PRDM16: variants seen among roughly 807,000 people sequenced by gnomAD.
PRDM16 encodes the protein PR/SET domain 16.
Under a neutral mutation model 110.6 loss-of-function variants are expected in PRDM16, and 23 were observed. That is an observed-to-expected ratio of 0.21 (90% CI 0.15 to 0.29). The LOEUF (loss-of-function observed/expected upper bound fraction) is 0.29. Ranked by LOEUF, PRDM16 falls within the 10% of genes least tolerant of loss-of-function variation. The pLI is 1.00. For missense variants in PRDM16, 1,615 were observed against 1,794.3 expected, an observed-to-expected ratio of 0.90 and a Z score of 1.81; for synonymous variants, 799 against 781.8, an observed-to-expected ratio of 1.02 and a Z score of -0.37.
chr1:3,171,961 G>A (rs774213747), intron 1 of PRDM16, among the ~76,000 whole-genome samples: 3 of 152,170 alleles, frequency 2.0e-5, no homozygotes, highest in Non-Finnish European at 2.9e-5. Flanking sequence ...GGGGAGCTGC[G>A]ATCCAGTAGA....
rs746262080 is a variant in PRDM16 at position 3,186,228 on chromosome 1, C to T, written c.141C>T (p.Pro47=). 4.4e-5 allele frequency: 71 copies of T among 1,612,470 alleles called. No individual in the cohort carries two copies. Among genetic ancestry groups the T allele is most frequent in the Non-Finnish European group, 5.5e-5 (65 of 1,179,834 alleles). The change falls in exon 2 of 17, where the codon CCC becomes CCT. Residue 47 remains proline (P), a synonymous_variant. Transcript: ENST00000270722. The part of the protein sequence containing the change: ...EAEDSAMSPI[P]VGPPSPFPTS... ...AGGACAGTGCCATGTCGCCCATCCC[C>T]GTGGGGCCACCGTCCCCCTTCCCCA...
At chr1:3,395,549 G>A (rs1298894826) in intron 4 of PRDM16, among the ~76,000 whole-genome samples, 1 of 152,162 alleles carries the variant, frequency 6.6e-6, no homozygotes, top group Non-Finnish European at 1.5e-5. Context: ...ACACCCACAT[G>A]TGCAGGGTGG....
rs145700047 is a variant in PRDM16, at chr1:3,350,104, G to A, written c.439-35048G>A. Among the ~76,000 whole-genome samples the A allele has an allele frequency of 1.6e-3, 239 of 152,312 alleles. No individual in the cohort carries two copies. The highest frequency in any genetic ancestry group is 0.014 in the Middle Eastern group (4 of 294). ...TCCCAGCACCTTGGGAGGCCAAGGCGGGAGGAAGCCCAGAAGTTTGAGGCC... is the reference window on the plus strand; with the variant it reads ...TCCCAGCACCTTGGGAGGCCAAGGCAGGAGGAAGCCCAGAAGTTTGAGGCC... On this transcript the variant is annotated intron_variant, in intron 3 of 16. Transcript: ENST00000270722. This position sits in a 1 kb window ranked among gnomAD's most constrained non-coding sequence, Gnocchi z 7.1.
chr1:3,296,899 C>T (rs769053427), intron 3 of PRDM16, among the ~76,000 whole-genome samples: 22 of 152,330 alleles, frequency 1.4e-4, no homozygotes, highest in South Asian at 6.2e-4. Context: ...CCGAGCAGCA[C>T]GGCTTAGCCT....
chr1:3,135,331 C>T (rs1030022734), intron 1 of PRDM16, among the ~76,000 whole-genome samples: 6 of 152,298 alleles, frequency 3.9e-5, no homozygotes, highest in African/African-American at 1.4e-4. Flanking sequence ...GGCCCTTCAT[C>T]GTACCCAGCT....
At chr1:3,312,502 G>GGT (rs1313638492) in intron 3 of PRDM16, among the ~76,000 whole-genome samples, 1 of 152,232 alleles carries the variant, frequency 6.6e-6, no homozygotes, top group Non-Finnish European at 1.5e-5. Context: ...CCAGCCTGCT[G>GGT]GTGTCTGACG....
At chr1:3,247,774 GCGCGCGT>G (rs1639822886) in intron 3 of PRDM16, among the ~76,000 whole-genome samples, 1 of 152,258 alleles carries the variant, frequency 6.6e-6, no homozygotes, top group Admixed American at 6.5e-5. Context: ...TGCGCCCTGG[GCGCGCGT>G]CACCGGCGCT....
rs1446521463 is a variant in PRDM16 at position 3,438,008 on chromosome 1, A to C, written c.*4197A>C. Reference sequence around the variant, plus strand: ...CCGCCCGCCACCTTCTGCCATTGTTACATTACAGATTTGGTTTAGTTTTGT... The same window carrying C: ...CCGCCCGCCACCTTCTGCCATTGTTCCATTACAGATTTGGTTTAGTTTTGT... On this transcript the variant is annotated 3_prime_UTR_variant, in exon 17 of 17. Transcript: ENST00000270722. The C allele has an allele frequency of 4.6e-6, 1 of 217,626 alleles. No homozygotes were observed. The highest frequency in any genetic ancestry group is 2.2e-5 in the African/African-American group (1 of 44,502). 13.5% of individuals were successfully genotyped at this position (217,626 alleles called of 1,614,324 possible).
rs765114438 is a variant in PRDM16, at chr1:3,430,992, C to G, written c.3405C>G (p.Ala1135=). Residue 1135 remains alanine, a synonymous_variant, in exon 15 of 17, where the codon GCC becomes GCG. Coordinates refer to ENST00000270722, the MANE Select transcript of PRDM16 (RefSeq NM_022114.4). ...DLEEDDEDSL[A]GKSQDDTVSP... ...AGGAGGACGATGAGGACAGCCTGGC[C>G]GGGAAGTCGCAGGATGACACCGTGT... is the stretch of plus-strand genomic sequence containing the variant. The G allele has an allele frequency of 6.2e-7, 1 of 1,601,346 alleles. No homozygotes were observed. The highest frequency in any genetic ancestry group is 8.5e-7 in the Non-Finnish European group (1 of 1,173,802).
At chr1:3,302,394 AAAG>A (rs1185530384) in intron 3 of PRDM16, among the ~76,000 whole-genome samples, 3 of 152,388 alleles carry the variant, frequency 2.0e-5, no homozygotes, top group South Asian at 2.1e-4. Context: ...TTGCCAAAAA[AAAG>A]GTGACGGTGG....
In PRDM16 at chr1:3,209,731, C is replaced by G. The variant is rs774026404; in HGVS notation, c.387+23257C>G. 2.6e-5 allele frequency among the ~76,000 whole-genome samples: 4 copies of G among 152,170 alleles called. No homozygotes were observed. Among genetic ancestry groups the G allele is most frequent in the Admixed American group, 1.3e-4 (2 of 15,276 alleles). ...CAGCCCTCCCGCCCCCCACAGAGCC[C>G]CTTCCCTGAGGGTTGGGCCAGGAAC... is the stretch of plus-strand genomic sequence containing the variant. On this transcript the variant is annotated intron_variant, in intron 2 of 16. Coordinates refer to ENST00000270722, the MANE Select transcript of PRDM16 (RefSeq NM_022114.4). This position sits in a 1 kb window ranked among gnomAD's most constrained non-coding sequence, Gnocchi z 4.6.
intron 3 of PRDM16, among the ~76,000 whole-genome samples, chr1:3,376,854 G>A (rs555876475): frequency 6.2e-4 from 94 of 152,044 alleles, no homozygotes; most frequent in African/African-American, 2.2e-3. Flanking sequence ...GCCGTGGTGT[G>A]GCCCCATCCC....
rs541512137 is a variant in PRDM16 at position 3,432,014 on chromosome 1, G to A, written c.3570G>A (p.Pro1190=). 967 of 1,614,092 alleles carry A rather than the reference G, an allele frequency of 6.0e-4. 8 individuals are homozygous for A. The highest frequency in any genetic ancestry group is 1.3e-3 in the South Asian group (122 of 91,082). ...GTCTGTTAGCTTTGGAGCCGATGCC[G>A]ACTTTTGGGAAGGGGCTGGACCTCC... ...EGGLLALEPM[P]TFGKGLDLRR... Residue 1190 remains proline (P), a synonymous_variant, in exon 16 of 17, where the codon CCG becomes CCA. Coordinates refer to ENST00000270722, the MANE Select transcript of PRDM16 (RefSeq NM_022114.4).
rs1185134853 is a variant in PRDM16, at chr1:3,244,241, G to A, written c.438+104G>A. 5.8e-5 allele frequency: 62 copies of A among 1,074,936 alleles called. 1 individual carries two copies. The highest frequency in any genetic ancestry group is 1.0e-4 in the South Asian group (8 of 78,522). The allele number at this position is 1,074,936 out of a possible 1,614,324, so 66.6% of individuals were successfully genotyped here. On this transcript the variant is annotated intron_variant, in intron 3 of 16. Coordinates refer to ENST00000270722, the MANE Select transcript of PRDM16 (RefSeq NM_022114.4). The surrounding 1 kb of genome is among the most constrained non-coding windows in gnomAD (Gnocchi z 4.1). ...TCCCTGAGCTAACAAGCGTGTAGTC[G>A]GAATGTTGCTGGCAGGCCCCGAGCA...
intron 2 of PRDM16, among the ~76,000 whole-genome samples, chr1:3,198,627 G>A (rs12091556): frequency 0.02 from 2,994 of 152,266 alleles, 97 homozygotes; most frequent in African/African-American, 0.064. Flanking sequence ...CATGAAGAAC[G>A]GCACCAGCCT....
At chr1:3,211,440 A>G (rs1276646034) in intron 2 of PRDM16, among the ~76,000 whole-genome samples, 1 of 152,236 alleles carries the variant, frequency 6.6e-6, no homozygotes, top group Non-Finnish European at 1.5e-5. Context: ...GGCTTGATCT[A>G]GCTGGAGATG....
At chr1:3,408,584 GA>G (rs1229083004) in intron 8 of PRDM16, among the ~76,000 whole-genome samples, 1 of 151,772 alleles carries the variant, frequency 6.6e-6, no homozygotes, top group Non-Finnish European at 1.5e-5. Context: ...GAGAGCGTGT[GA>G]GTGTGGGTGT....
intron 1 of PRDM16, among the ~76,000 whole-genome samples, chr1:3,169,974 C>T (rs952949520): frequency 1.3e-5 from 2 of 152,254 alleles, no homozygotes; most frequent in African/African-American, 4.8e-5. Context: ...GTGCACACCT[C>T]GTGGCAGAGG....
At chr1:3,360,771 A>G (rs1399480782) in intron 3 of PRDM16, among the ~76,000 whole-genome samples, 1 of 152,202 alleles carries the variant, frequency 6.6e-6, no homozygotes, top group Non-Finnish European at 1.5e-5. Flanking sequence ...CTGTGGCCAC[A>G]GCGCCCGCAG....
Sources: allele counts gnomAD v4.1 joint callset (sites outside exome capture counted in the v4.1 genomes callset), GRCh38; gene constraint gnomAD v4.1.1; non-coding constraint Gnocchi (gnomAD v3.1); transcripts MANE v1.5; gene names NCBI Gene and HGNC (gene_info 2026-07-23, HGNC 2026-07-21).